The following POLA1 variants were observed in gnomAD, a reference collection of about 807,000 sequenced individuals.
POLA1 encodes DNA polymerase alpha 1, catalytic subunit, also known as DNA polymerase alpha catalytic subunit.
Under a neutral mutation model 124.0 loss-of-function variants are expected in POLA1, and 15 were observed. The ratio of observed to expected loss-of-function variants is 0.12; its 90% CI spans 0.08 to 0.19. The LOEUF (loss-of-function observed/expected upper bound fraction) is 0.19, where lower values mean the gene tolerates loss of function less well. Ranked by LOEUF, POLA1 falls within the 10% of genes least tolerant of loss-of-function variation. The pLI, the probability that POLA1 is intolerant of heterozygous loss-of-function variation, is 1.00. For synonymous variants in POLA1, 408 were observed against 389.4 expected (o/e 1.05, Z -0.56); for missense variants, 886 against 1,103.4 (o/e 0.80, Z 2.79).
chrX:24,782,184 A>C (rs1023641601), intron 26 of POLA1, among the ~76,000 whole-genome samples: 1 of 111,964 alleles, frequency 8.9e-6, no homozygotes, highest in African/African-American at 3.3e-5. Flanking sequence ...AGATTAGTGC[A>C]TTTTCTCTTT....
intron 35 of POLA1, among the ~76,000 whole-genome samples, chrX:24,889,559 A>T (rs1351351823): frequency 8.9e-6 from 1 of 112,790 alleles, no homozygotes; most frequent in Non-Finnish European, 1.9e-5. Context: ...AGTGAGAAGA[A>T]GGTGAGACTT....
intron 36 of POLA1, among the ~76,000 whole-genome samples, chrX:24,940,672 A>G (rs1438524805): frequency 8.9e-6 from 1 of 112,305 alleles, no homozygotes; most frequent in Non-Finnish European, 1.9e-5. Context: ...CTTAAAATGT[A>G]TGAGTTATTT....
chrX:24,953,908 T>C (rs751480504), intron 36 of POLA1, among the ~76,000 whole-genome samples: 2 of 112,493 alleles, frequency 1.8e-5, no homozygotes, highest in South Asian at 7.3e-4. Context: ...CTTATTCCCA[T>C]ATCAGCATGT....
intron 26 of POLA1, among the ~76,000 whole-genome samples, chrX:24,760,912 G>A (rs1352858310): frequency 8.9e-6 from 1 of 111,779 alleles, no homozygotes; most frequent in Non-Finnish European, 1.9e-5. Flanking sequence ...GAGTCAGGTT[G>A]TGCAGCTGTC....
At position 24,842,922 on chromosome X, in the gene POLA1, A is replaced by T. The variant is rs184853107; in HGVS notation, c.3916-624A>T. 4.5e-5 allele frequency among the ~76,000 whole-genome samples: 5 copies of T among 111,997 alleles called. No individual in the cohort carries two copies. In the East Asian group the frequency reaches 1.4e-3, roughly 31 times the overall value. ...TTGTCTTTGTTTAAAACAAAACACA[A>T]CAAAACAAAATGTTTTCTCCAAATA... On this transcript the variant is annotated intron_variant, in intron 33 of 36. Coordinates refer to ENST00000379068, the MANE Select transcript of POLA1 (RefSeq NM_001330360.2).
Position 24,815,202 on chromosome X carries a change from G to C in POLA1, c.3429+91G>C. On this transcript the variant is annotated intron_variant, in intron 30 of 36. Transcript: ENST00000379068. ...GAAGAACCACCTCATCCTTGCAATTGAAATAAATTCTAGCTGGTGATGAAA... is the reference window on the plus strand; with the variant it reads ...GAAGAACCACCTCATCCTTGCAATTCAAATAAATTCTAGCTGGTGATGAAA... 3.6e-6 allele frequency: 3 copies of C among 844,305 alleles called. No individual in the cohort carries two copies. In the South Asian group the frequency reaches 8.4e-5, roughly 24 times the overall value. 69.6% of individuals were successfully genotyped at this position (844,305 alleles called of 1,213,427 possible).
intron 26 of POLA1, among the ~76,000 whole-genome samples, chrX:24,777,579 G>A (rs1243343512): frequency 8.9e-6 from 1 of 112,390 alleles, no homozygotes; most frequent in African/African-American, 3.2e-5. Context: ...TAAGTGTGCA[G>A]GTGCACACAA....
At chrX:24,811,818 C>T (rs1197585590) in intron 28 of POLA1, among the ~76,000 whole-genome samples, 1 of 111,874 alleles carries the variant, frequency 8.9e-6, no homozygotes, top group Non-Finnish European at 1.9e-5. Context: ...ACACTCACAA[C>T]TGTGATTTTT....
At chrX:24,712,394 A>G (rs1207200651) in intron 4 of POLA1, among the ~76,000 whole-genome samples, 1 of 112,038 alleles carries the variant, frequency 8.9e-6, no homozygotes, top group Non-Finnish European at 1.9e-5. Flanking sequence ...CCTCATATGC[A>G]TTTCTTTTAC....
intron 26 of POLA1, among the ~76,000 whole-genome samples, chrX:24,751,760 G>C (rs933450194): frequency 1.8e-5 from 2 of 112,172 alleles, no homozygotes; most frequent in African/African-American, 6.5e-5. Context: ...CTTTCTTTGG[G>C]TTAGCGTCTC....
At chrX:24,781,653 C>T (rs866993467) in intron 26 of POLA1, among the ~76,000 whole-genome samples, 7 of 111,336 alleles carry the variant, frequency 6.3e-5, no homozygotes, top group South Asian at 3.8e-4. Context: ...TTTTAAAAAA[C>T]GAACATTTTG....
intron 36 of POLA1, among the ~76,000 whole-genome samples, chrX:24,934,250 G>A (rs754299663): frequency 8.9e-6 from 1 of 112,373 alleles, no homozygotes; most frequent in South Asian, 3.7e-4. Context: ...CTTTGTTGTT[G>A]TTTATTCAGC....
chrX:24,694,158 T>C (rs41561412), intron 1 of POLA1, among the ~76,000 whole-genome samples, 154 bp downstream of exon 1: 2 of 112,871 alleles, frequency 1.8e-5, no homozygotes, highest in Non-Finnish European at 3.8e-5. Context: ...CCGGGCTTCC[T>C]TTAGGCGCGG....
At chrX:24,775,906 A>G (rs1369439028) in intron 26 of POLA1, among the ~76,000 whole-genome samples, 1 of 112,074 alleles carries the variant, frequency 8.9e-6, no homozygotes, top group Admixed American at 9.5e-5. Flanking sequence ...ATGAAAAAAT[A>G]TAAGTCCATA....
At chrX:24,820,767 G>A (rs2046074603) in intron 30 of POLA1, among the ~76,000 whole-genome samples, 1 of 107,084 alleles carries the variant, frequency 9.3e-6, no homozygotes, top group Non-Finnish European at 1.9e-5. Flanking sequence ...ACTAATAGCA[G>A]ATGACTGTGT....
rs2046183098 is a variant in POLA1 at position 24,826,941 on chromosome X, A to G, written c.3736+340A>G. ...AGCTTTAATTAGTGTACCTCCATTT[A>G]TAAGGAGATTGATGCTATCTTGATT... On this transcript the variant is annotated intron_variant, in intron 32 of 36. Coordinates refer to ENST00000379068, the MANE Select transcript of POLA1 (RefSeq NM_001330360.2). Among the ~76,000 whole-genome samples the G allele has an allele frequency of 2.7e-5, 3 of 112,171 alleles. No individual in the cohort carries two copies. In the South Asian group the frequency reaches 1.1e-3, roughly 42 times the overall value.
chrX:24,738,009 C>T lies in POLA1; in HGVS notation c.2040+268C>T, dbSNP rs759148868. 4.1e-3 allele frequency among the ~76,000 whole-genome samples: 405 copies of T among 97,984 alleles called. 41 individuals are homozygous for T. Among genetic ancestry groups the T allele is most frequent in the African/African-American group, 0.019 (376 of 20,155 alleles). 85.1% of individuals were successfully genotyped at this position (97,984 alleles called of 115,157 possible). A position where few individuals can be genotyped will look rare whatever the true frequency, so the allele number is the denominator to read the frequency against. On this transcript the variant is annotated intron_variant, in intron 19 of 36. Transcript: ENST00000379068. ...CGGGTGGATCATGAGGTCAGGAGAT[C>T]GGGACCATCCTGGCTAACAAGGTGA...
chrX:24,894,692 C>G (rs1220578233), intron 35 of POLA1, among the ~76,000 whole-genome samples: 1 of 111,851 alleles, frequency 8.9e-6, no homozygotes, highest in Admixed American at 9.5e-5. Context: ...GGACACCAGT[C>G]TCATATTGGA....
At chrX:24,753,369 A>G (rs890460731) in intron 26 of POLA1, among the ~76,000 whole-genome samples, 2 of 101,603 alleles carry the variant, frequency 2.0e-5, no homozygotes, top group Non-Finnish European at 3.9e-5. Context: ...ATTTTATTTT[A>G]AGAAACAGGG....
Sources: allele counts gnomAD v4.1 joint callset (sites outside exome capture counted in the v4.1 genomes callset), GRCh38; gene constraint gnomAD v4.1.1; transcripts MANE v1.5; gene names NCBI Gene and HGNC (gene_info 2026-07-23, HGNC 2026-07-21).